Variants in AMOT observed in about 807,000 individuals in gnomAD.
AMOT encodes angiomotin.
Under a neutral mutation model 67.0 loss-of-function variants are expected in AMOT, and 11 were observed. The ratio of observed to expected loss-of-function variants is 0.16; its 90% CI spans 0.10 to 0.27. AMOT has a LOEUF of 0.27. Ranked by LOEUF, AMOT falls within the 10% of genes least tolerant of loss-of-function variation. The pLI, the probability that AMOT is intolerant of heterozygous loss-of-function variation, is 1.00. For missense variants in AMOT, 753 were observed against 852.0 expected, an observed-to-expected ratio of 0.88 and a Z score of 1.45; for synonymous variants, 326 against 321.4, an observed-to-expected ratio of 1.01 and a Z score of -0.15.
At chrX:112,835,042 C>T (rs1208852346) in intron 1 of AMOT, among the ~76,000 whole-genome samples, 5 of 112,222 alleles carry the variant, frequency 4.5e-5, no homozygotes, top group African/African-American at 1.6e-4. Flanking sequence ...GAGAGCAAAG[C>T]TCATTAAAAA....
chrX:112,793,588 C>G (rs1376906253), intron 8 of AMOT, among the ~76,000 whole-genome samples: 1 of 112,013 alleles, frequency 8.9e-6, no homozygotes, highest in African/African-American at 3.2e-5. Flanking sequence ...TCGAAGGAAC[C>G]CTATCTTGTA....
chrX:112,787,482 A>G (rs1933403525), intron 10 of AMOT, among the ~76,000 whole-genome samples: 1 of 111,768 alleles, frequency 8.9e-6, no homozygotes, highest in African/African-American at 3.3e-5. Context: ...TTATGACAAA[A>G]TAACAGATTA....
Position 112,777,802 on chromosome X carries a change from A to T in AMOT, c.*765T>A, listed in dbSNP as rs1424653037. On this transcript the variant is annotated 3_prime_UTR_variant, in exon 14 of 14. Coordinates refer to ENST00000371959, the MANE Select transcript of AMOT (RefSeq NM_001113490.2). Reference sequence around the variant, plus strand: ...TGGTCTAATTCCCTAAGAGAGAGGAAGTTGCGCATCACTCAGTTAATGTAC... The same window carrying T: ...TGGTCTAATTCCCTAAGAGAGAGGATGTTGCGCATCACTCAGTTAATGTAC... 8.9e-6 allele frequency: 1 copy of T among 112,174 alleles called. No homozygotes were observed. Among genetic ancestry groups the T allele is most frequent in the East Asian group, 2.8e-4 (1 of 3,576 alleles). The allele number at this position is 112,174 out of a possible 1,213,427, so 9.2% of individuals were successfully genotyped here.
intron 2 of AMOT, among the ~76,000 whole-genome samples, chrX:112,826,494 C>G (rs1231531090): frequency 8.9e-6 from 1 of 112,171 alleles, no homozygotes; most frequent in Non-Finnish European, 1.9e-5. Context: ...AAAATCATCT[C>G]AAATCTGCAA....
chrX:112,811,003 C>T (rs1447117860), intron 6 of AMOT, among the ~76,000 whole-genome samples: 1 of 111,870 alleles, frequency 8.9e-6, no homozygotes, highest in Admixed American at 9.4e-5. Context: ...AGGGATCCTG[C>T]CTGATTAACA....
In AMOT at chrX:112,790,653, A is replaced by C; in HGVS notation, c.2056T>G (p.Leu686Val). The C allele has an allele frequency of 8.3e-7, 1 of 1,210,592 alleles. No individual in the cohort carries two copies. ...AAATGTCTCATCACATTCTCCTCCA[A>C]ATATTTCTGCTCCCACTTTGTCATA... Reference protein sequence around the residue: ...ADMTKWEQKYLEENVMRHFAL... With the variant: ...ADMTKWEQKYVEENVMRHFAL... The change falls in exon 10 of 14, where the codon TTG becomes GTG. Residue 686 changes from leucine to valine, a missense_variant. Leu to Val is a conservative substitution (Grantham distance 32, BLOSUM62 1). Around this residue, in one of 5 missense-constraint regions of AMOT, gnomAD observed 66 missense variants for 112.9 expected, o/e 0.58. Coordinates refer to ENST00000371959, the MANE Select transcript of AMOT (RefSeq NM_001113490.2).
Position 112,794,314 on chromosome X carries a change from G to A in AMOT, c.1777-2333C>T, listed in dbSNP as rs752777437. Among the ~76,000 whole-genome samples, 59 of 111,800 alleles carry A rather than the reference G, an allele frequency of 5.3e-4. 1 individual carries two copies. Among genetic ancestry groups the A allele is most frequent in the Admixed American group, 1.2e-3 (13 of 10,513 alleles). ...AAAGGCCTGGGGAGTTCTCCGAGTT[G>A]GCTAAAGATAGGCATGCAGGTCAGA... On this transcript the variant is annotated intron_variant, in intron 8 of 13. Transcript: ENST00000371959.
intron 7 of AMOT, among the ~76,000 whole-genome samples, chrX:112,806,158 C>T (rs968158020): frequency 9.2e-6 from 1 of 108,153 alleles, no homozygotes; most frequent in East Asian, 2.9e-4. Context: ...CCCAGCTATT[C>T]GGGAGACTGA....
At chrX:112,782,433 G>A (rs1933215627) in intron 11 of AMOT, 107 bp downstream of exon 11, 2 of 1,059,691 alleles carry the variant, frequency 1.9e-6, no homozygotes, top group African/African-American at 1.8e-5. Context: ...AGGGGTGATG[G>A]TGGAGCGGGG....
rs770043257 is a variant in AMOT at position 112,811,431 on chromosome X, A to C, written c.1393-38T>G. ...AAAAGACAATGGTGGTGATGGTAGG[A>C]GGGTGATGGGGAAAATGGTCTGAAA... On this transcript the variant is annotated intron_variant, in intron 5 of 13. Transcript: ENST00000371959. 5 of 1,185,142 alleles carry C rather than the reference A, an allele frequency of 4.2e-6. No individual in the cohort carries two copies. The South Asian group carries it at 7.5e-5, about 18-fold the overall frequency.
At chrX:112,803,145 G>A (rs755931505) in intron 8 of AMOT, among the ~76,000 whole-genome samples, 74 of 111,758 alleles carry the variant, frequency 6.6e-4, no homozygotes, top group African/African-American at 2.4e-3. Flanking sequence ...AGATGCAGAG[G>A]TTACTAAATC....
intron 11 of AMOT, among the ~76,000 whole-genome samples, chrX:112,781,637 T>C (rs780111638): frequency 6.4e-5 from 7 of 110,044 alleles, no homozygotes; most frequent in Non-Finnish European, 1.1e-4. Context: ...CCCAAATGGA[T>C]ACAGCAGAGC....
intron 1 of AMOT, among the ~76,000 whole-genome samples, chrX:112,839,249 A>C (rs1306482990): frequency 2.7e-5 from 3 of 112,331 alleles, no homozygotes; most frequent in Non-Finnish European, 5.6e-5. Flanking sequence ...AGATGGATGA[A>C]AATGTATACC....
At position 112,776,831 on chromosome X, in the gene AMOT, A is replaced by C. The variant is rs1021414357; in HGVS notation, c.*1736T>G. The stretch of plus-strand genomic sequence containing the variant: ...TGGACAAGCTACTCCAACCAGGTAC[A>C]TTTTACAAGATACATATTCCCTGGA... On this transcript the variant is annotated 3_prime_UTR_variant, in exon 14 of 14. Transcript: ENST00000371959. The C allele has an allele frequency of 8.9e-6, 1 of 112,092 alleles. No homozygotes were observed. Among genetic ancestry groups the C allele is most frequent in the Admixed American group, 9.5e-5 (1 of 10,577 alleles). The allele number at this position is 112,092 out of a possible 1,213,427, so 9.2% of individuals were successfully genotyped here.
intron 10 of AMOT, among the ~76,000 whole-genome samples, chrX:112,786,366 A>G (rs749142471): frequency 8.9e-6 from 1 of 112,421 alleles, no homozygotes; most frequent in Non-Finnish European, 1.9e-5. Flanking sequence ...TAAAAATTAC[A>G]TAGTTGACTG....
intron 10 of AMOT, among the ~76,000 whole-genome samples, chrX:112,787,518 A>G (rs986500962): frequency 2.7e-5 from 3 of 111,995 alleles, no homozygotes; most frequent in African/African-American, 9.7e-5. Flanking sequence ...CAGGCATGGG[A>G]GGAAGCGATC....
rs189546403 is a variant in AMOT at position 112,833,675 on chromosome X, G to A, written c.-288-1305C>T. ...TGTTCTATTTCCCTAATTCATACGG[G>A]AAATTCAAATAAGCTTTGGTTTATA... On this transcript the variant is annotated intron_variant, in intron 1 of 13. Coordinates refer to ENST00000371959, the MANE Select transcript of AMOT (RefSeq NM_001113490.2). 3.4e-3 allele frequency among the ~76,000 whole-genome samples: 386 copies of A among 111,985 alleles called. 3 individuals are homozygous for A. Among genetic ancestry groups the A allele is most frequent in the African/African-American group, 0.012 (366 of 30,768 alleles).
intron 4 of AMOT, among the ~76,000 whole-genome samples, chrX:112,820,916 A>G (rs1028407212): frequency 1.3e-4 from 14 of 107,650 alleles, no homozygotes; most frequent in Admixed American, 2.0e-4. Flanking sequence ...TGCACAGAGG[A>G]GGTTGAAAAG....
chrX:112,823,320 T>TA (rs1296627197), intron 3 of AMOT, 132 bp from the exon 4 acceptor site: 1 of 443,048 alleles, frequency 2.3e-6, no homozygotes, highest in East Asian at 3.8e-5. Flanking sequence ...CTAAAATTAA[T>TA]AGATTGTTGG....
Sources: allele counts gnomAD v4.1 joint callset (sites outside exome capture counted in the v4.1 genomes callset), GRCh38; gene constraint gnomAD v4.1.1; regional missense constraint gnomAD v4.1.1; transcripts MANE v1.5; gene names NCBI Gene and HGNC (gene_info 2026-07-23, HGNC 2026-07-21).